EFHC2: variants seen among roughly 807,000 people sequenced by gnomAD.
EFHC2 encodes the protein EF-hand domain containing 2.
EFHC2 carries 18 observed loss-of-function variants against 52.7 expected under a neutral mutation model. The ratio of observed to expected loss-of-function variants is 0.34; its 90% CI spans 0.24 to 0.51. The LOEUF (loss-of-function observed/expected upper bound fraction) is 0.51. Ranked by LOEUF, EFHC2 falls within the 20% of genes least tolerant of loss-of-function variation. The probability of loss-of-function intolerance (pLI) is 0.97; values close to 1 mark genes in which losing one functional copy is unlikely to be tolerated. For synonymous variants in EFHC2, 203 were observed against 204.1 expected, an observed-to-expected ratio of 0.99 and a Z score of 0.04; for missense variants, 513 against 562.5, an observed-to-expected ratio of 0.91 and a Z score of 0.89.
intron 11 of EFHC2, among the ~76,000 whole-genome samples, chrX:44,207,086 T>G (rs895104441): frequency 8.9e-6 from 1 of 111,959 alleles, no homozygotes; most frequent in Non-Finnish European, 1.9e-5. Flanking sequence ...CAACTGATCT[T>G]TGACAAAGCT....
chrX:44,338,311 A>G (rs1449063899), intron 1 of EFHC2, among the ~76,000 whole-genome samples: 2 of 109,827 alleles, frequency 1.8e-5, no homozygotes, highest in East Asian at 5.7e-4. Flanking sequence ...AGTCTGGACA[A>G]TACAGTGAGA....
chrX:44,185,086 A>G (rs2036863972), intron 11 of EFHC2, among the ~76,000 whole-genome samples: 1 of 112,259 alleles, frequency 8.9e-6, no homozygotes, highest in Non-Finnish European at 1.9e-5. Context: ...AAATAATAGC[A>G]ATTTTTACTA....
At chrX:44,224,840 G>A (rs2037218892) in intron 11 of EFHC2, among the ~76,000 whole-genome samples, 1 of 111,832 alleles carries the variant, frequency 8.9e-6, no homozygotes, top group South Asian at 3.8e-4. Context: ...ATCTCTGATG[G>A]GTAGATCAAG....
chrX:44,282,599 G>C, intron 2 of EFHC2, among the ~76,000 whole-genome samples: 1 of 67,027 alleles, frequency 1.5e-5, no homozygotes, highest in Non-Finnish European at 2.7e-5. Flanking sequence ...CTGGGCGACA[G>C]AGTGAGACTC....
At chrX:44,188,137 C>T (rs1354023283) in intron 11 of EFHC2, among the ~76,000 whole-genome samples, 3 of 93,018 alleles carry the variant, frequency 3.2e-5, no homozygotes, top group East Asian at 3.4e-4. Flanking sequence ...TGTGCCACCA[C>T]GCCCAGCAAT....
At chrX:44,330,269 A>G (rs1387468090) in intron 1 of EFHC2, among the ~76,000 whole-genome samples, 3 of 109,639 alleles carry the variant, frequency 2.7e-5, no homozygotes, top group African/African-American at 1.0e-4. Flanking sequence ...ATAAACCATC[A>G]CAGGAGACAA....
At chrX:44,233,652 G>T (rs1028656593) in intron 9 of EFHC2, among the ~76,000 whole-genome samples, 4 of 111,657 alleles carry the variant, frequency 3.6e-5, no homozygotes, top group African/African-American at 1.3e-4. Context: ...TTGTTCGCTC[G>T]CTGGGTGATC....
intron 14 of EFHC2, among the ~76,000 whole-genome samples, chrX:44,149,763 C>T (rs1398560204): frequency 1.8e-5 from 2 of 111,980 alleles, no homozygotes; most frequent in Non-Finnish European, 3.8e-5. Context: ...AGTTATATGT[C>T]CACCTCAGCC....
intron 11 of EFHC2, among the ~76,000 whole-genome samples, chrX:44,200,137 G>C (rs2036995807): frequency 8.9e-6 from 1 of 111,860 alleles, no homozygotes; most frequent in South Asian, 3.7e-4. Context: ...AAAAAGCTGG[G>C]TGAGGGAAAT....
intron 4 of EFHC2, among the ~76,000 whole-genome samples, chrX:44,254,247 G>C (rs1472100575): frequency 8.9e-6 from 1 of 112,078 alleles, no homozygotes; most frequent in East Asian, 2.8e-4. Flanking sequence ...GCCAGCAAGA[G>C]AACAAAACTG....
chrX:44,224,950 C>T (rs1430513282), intron 11 of EFHC2, among the ~76,000 whole-genome samples: 1 of 111,521 alleles, frequency 9.0e-6, no homozygotes, highest in Non-Finnish European at 1.9e-5. Flanking sequence ...GTTCAGAGTC[C>T]AGGGCCCTCA....
At chrX:44,192,336 C>G (rs1373646765) in intron 11 of EFHC2, among the ~76,000 whole-genome samples, 1 of 111,970 alleles carries the variant, frequency 8.9e-6, no homozygotes, top group African/African-American at 3.2e-5. Context: ...GATTTAACCA[C>G]TGCCTCTGTG....
rs183936597 is a variant in EFHC2, at chrX:44,320,841, G to C, written c.43-8085C>G. Among the ~76,000 whole-genome samples, 144 of 109,875 alleles carry C rather than the reference G, an allele frequency of 1.3e-3. 5 individuals carry two copies. Among genetic ancestry groups the C allele is most frequent in the Admixed American group, 0.013 (128 of 10,183 alleles). The stretch of plus-strand genomic sequence containing the variant: ...TCTGGATTATCATACAACCTCCCCT[G>C]TTAGGCCTTACCTTGCAGGACACCA... On this transcript the variant is annotated intron_variant, in intron 1 of 14. Coordinates refer to ENST00000420999, the MANE Select transcript of EFHC2 (RefSeq NM_025184.4).
intron 1 of EFHC2, among the ~76,000 whole-genome samples, chrX:44,338,758 T>C (rs1218411810): frequency 9.1e-6 from 1 of 110,279 alleles, no homozygotes; most frequent in Non-Finnish European, 1.9e-5. Flanking sequence ...CATGATTCAT[T>C]AAATTCCTTT....
At position 44,339,224 on chromosome X, in the gene EFHC2, T is replaced by G. The variant is rs147248167; in HGVS notation, c.42+4323A>C. ...AAAAGCAGAAAGAGTGAGCTCTTCA[T>G]CATTCATTAGAGACACTCAGGATCA... On this transcript the variant is annotated intron_variant, in intron 1 of 14. Transcript: ENST00000420999. Among the ~76,000 whole-genome samples, 133 of 109,790 alleles carry G rather than the reference T, an allele frequency of 1.2e-3. 2 individuals carry two copies. The East Asian group carries it at 0.033, about 27-fold the overall frequency.
intron 3 of EFHC2, among the ~76,000 whole-genome samples, chrX:44,264,241 T>C (rs2037560595): frequency 9.0e-6 from 1 of 111,640 alleles, no homozygotes; most frequent in Non-Finnish European, 1.9e-5. Flanking sequence ...ACATATTACT[T>C]GAGGAGGAAG....
intron 11 of EFHC2, among the ~76,000 whole-genome samples, chrX:44,204,069 C>T (rs1272914242): frequency 1.8e-5 from 2 of 111,120 alleles, no homozygotes; most frequent in African/African-American, 3.3e-5. Flanking sequence ...GACAAAGCCA[C>T]AGCACAGAAC....
chrX:44,164,719 G>A (rs1056522824), intron 13 of EFHC2, among the ~76,000 whole-genome samples: 2 of 111,595 alleles, frequency 1.8e-5, no homozygotes, highest in Non-Finnish European at 3.8e-5. Context: ...GAGAGATTCT[G>A]ATTTTTGATT....
intron 13 of EFHC2, among the ~76,000 whole-genome samples, chrX:44,170,420 G>C (rs2036735984): frequency 9.0e-6 from 1 of 111,180 alleles, no homozygotes. Context: ...CCTAACAATA[G>C]TATAGGTCAG....
Sources: gnomAD v4.1 joint callset for allele counts (sites outside exome capture counted in the v4.1 genomes callset) on GRCh38, gnomAD v4.1.1 for gene constraint, MANE v1.5 for transcripts, NCBI Gene and HGNC (gene_info 2026-07-23, HGNC 2026-07-21) for gene names.